The following NR4A3 variants were observed in gnomAD, a reference collection of about 807,000 sequenced individuals.
NR4A3 encodes nuclear receptor subfamily 4 group A member 3.
NR4A3 carries 13 observed loss-of-function variants against 55.6 expected under a neutral mutation model. The ratio of observed to expected loss-of-function variants is 0.23; its 90% CI spans 0.15 to 0.37. NR4A3 has a LOEUF of 0.37. Among genes scored for constraint, NR4A3 ranks in the 10% least tolerant of loss-of-function variants. NR4A3 has a pLI of 1.00. For synonymous variants in NR4A3, 342 were observed against 357.9 expected, an observed-to-expected ratio of 0.96 and a Z score of 0.50; for missense variants, 646 against 822.8, an observed-to-expected ratio of 0.79 and a Z score of 2.63.
At position 99,828,013 on chromosome 9, in the gene NR4A3, TGA is replaced by T. The variant is rs1827339233; in HGVS notation, c.-2-23_-2-22del. 6.3e-7 allele frequency: 1 copy of T among 1,589,238 alleles called. No homozygotes were observed. The highest frequency in any genetic ancestry group is 8.6e-7 in the Non-Finnish European group (1 of 1,166,300). ...TAGAAAACAAGTGTTAACTTGCTTC[TGA>T]GAGACCCTTTTCTCTGTCCCTGCAG... On this transcript the variant is annotated intron_variant, in intron 2 of 7. Transcript: ENST00000395097. This position sits in a 1 kb window ranked among gnomAD's most constrained non-coding sequence, Gnocchi z 7.7.
In NR4A3 at chr9:99,843,087, G is replaced by C. The variant is rs757628681; in HGVS notation, c.1255-1562G>C. Among the ~76,000 whole-genome samples, 135 of 152,270 alleles carry C rather than the reference G, an allele frequency of 8.9e-4. 1 individual carries two copies. The highest frequency in any genetic ancestry group is 2.1e-4 in the South Asian group (1 of 4,830). On this transcript the variant is annotated intron_variant, in intron 5 of 7. Coordinates refer to ENST00000395097, the MANE Select transcript of NR4A3 (RefSeq NM_006981.4). Reference sequence around the variant, plus strand: ...CAGTCTTCCTGCTTGCAGCAGAAAAGTCTTTACTCCGGTGATTCAAGAAAA... The same window carrying C: ...CAGTCTTCCTGCTTGCAGCAGAAAACTCTTTACTCCGGTGATTCAAGAAAA...
chr9:99,843,682 T>A (rs78708922), intron 5 of NR4A3, among the ~76,000 whole-genome samples: 864 of 52,340 alleles, frequency 0.017, 7 homozygotes, highest in Non-Finnish European at 0.032. Flanking sequence ...ACAAAAAAAA[T>A]TTTTTTTTGA....
At position 99,828,291 on chromosome 9, in the gene NR4A3, G is replaced by T. The variant is rs137876606; in HGVS notation, c.249G>T (p.Leu83Phe). The change falls in exon 3 of 8, where the codon TTG (leucine) becomes TTT (phenylalanine). Residue 83 changes from leucine to phenylalanine, a missense_variant. Around this residue, in one of 5 missense-constraint regions of NR4A3, gnomAD observed 426 missense variants for 429.4 expected, o/e 0.99. Transcript: ENST00000395097. This position sits in a 1 kb window ranked among gnomAD's most constrained non-coding sequence, Gnocchi z 7.7. ...PSCVYQMQRPLIKVEEGRAPS... is the reference protein window; with the variant it reads ...PSCVYQMQRPFIKVEEGRAPS... ...GCGTGTACCAAATGCAGCGGCCCTT[G>T]ATCAAAGTGGAGGAGGGGCGGGCGC... 2,001 of 1,613,638 alleles carry T rather than the reference G, an allele frequency of 1.2e-3. 3 individuals carry two copies. Among genetic ancestry groups the T allele is most frequent in the Non-Finnish European group, 1.6e-3 (1,930 of 1,179,962 alleles).
At chr9:99,831,725 G>A (rs900270248) in intron 3 of NR4A3, among the ~76,000 whole-genome samples, 17 of 152,168 alleles carry the variant, frequency 1.1e-4, no homozygotes, top group Admixed American at 1.0e-3. Flanking sequence ...ACCCTAAGTG[G>A]TAAAAATACG....
At position 99,863,702 on chromosome 9, in the gene NR4A3, G is replaced by A. The variant is rs766231089; in HGVS notation, c.1716G>A (p.Lys572=). 77 of 1,613,864 alleles carry A rather than the reference G, an allele frequency of 4.8e-5. No individual in the cohort carries two copies. Among genetic ancestry groups the A allele is most frequent in the Non-Finnish European group, 6.2e-5 (73 of 1,179,974 alleles). The change falls in exon 8 of 8, where the codon AAG becomes AAA. Residue 572 remains lysine (K), a synonymous_variant. Transcript: ENST00000395097. ...ITSSLKDHQS[K]GQALEPTESK... Reference sequence around the variant, plus strand: ...GCAGTTTAAAAGACCACCAGAGTAAGGGACAGGCTCTGGAGCCCACCGAGT... The same window carrying A: ...GCAGTTTAAAAGACCACCAGAGTAAAGGACAGGCTCTGGAGCCCACCGAGT...
intron 3 of NR4A3, among the ~76,000 whole-genome samples, chr9:99,830,813 G>T (rs542722716): frequency 6.6e-6 from 1 of 152,316 alleles, no homozygotes; most frequent in African/African-American, 2.4e-5. Context: ...CAAGAATTAT[G>T]AATAATCTAC....
At chr9:99,832,375 A>G (rs1827461318) in intron 3 of NR4A3, among the ~76,000 whole-genome samples, 1 of 152,160 alleles carries the variant, frequency 6.6e-6, no homozygotes, top group Admixed American at 6.5e-5. Flanking sequence ...TTGTTCCCAA[A>G]GGGATATTAA....
At chr9:99,845,113 C>T (rs544287798) in intron 6 of NR4A3, among the ~76,000 whole-genome samples, 2 of 152,272 alleles carry the variant, frequency 1.3e-5, no homozygotes, top group African/African-American at 2.4e-5. Flanking sequence ...TTCCATCCTC[C>T]TTAAAAGGAA....
intron 7 of NR4A3, among the ~76,000 whole-genome samples, chr9:99,855,186 C>T (rs1477978436): frequency 1.3e-5 from 2 of 152,064 alleles, no homozygotes; most frequent in African/African-American, 2.4e-5. Flanking sequence ...ATTTTGTATC[C>T]TGAGACTTTG....
At chr9:99,861,819 G>A (rs1013807352) in intron 7 of NR4A3, among the ~76,000 whole-genome samples, 4 of 151,962 alleles carry the variant, frequency 2.6e-5, no homozygotes, top group African/African-American at 4.8e-5. Flanking sequence ...AGCCAGGCAC[G>A]GTAGCTCATG....
chr9:99,846,447 A>T (rs1352738583), intron 6 of NR4A3, among the ~76,000 whole-genome samples: 1 of 152,230 alleles, frequency 6.6e-6, no homozygotes, highest in Admixed American at 6.5e-5. Context: ...CATCATGTCC[A>T]CCTGGAAGTT....
intron 5 of NR4A3, among the ~76,000 whole-genome samples, chr9:99,834,376 A>AT (rs373858910): frequency 1.5e-3 from 221 of 152,342 alleles, no homozygotes; most frequent in African/African-American, 4.6e-3. Flanking sequence ...AAGGAAAAAA[A>AT]ATCACAATTA....
intron 5 of NR4A3, among the ~76,000 whole-genome samples, chr9:99,840,821 G>T (rs1175261259): frequency 6.6e-6 from 1 of 152,176 alleles, no homozygotes; most frequent in Non-Finnish European, 1.5e-5. Flanking sequence ...GGGAGGATCT[G>T]CCCTGAATTT....
At position 99,828,434 on chromosome 9, in the gene NR4A3, C is replaced by T; in HGVS notation, c.392C>T (p.Thr131Ile). The T allele has an allele frequency of 6.3e-7, 1 of 1,582,494 alleles. No individual in the cohort carries two copies. Among genetic ancestry groups the T allele is most frequent in the Non-Finnish European group, 8.6e-7 (1 of 1,164,220 alleles). ...SSPEDEVLPS[T>I]SMYFKQSPPS... ...CCGGAGGACGAGGTGCTGCCCAGCA[C>T]CTCCATGTACTTCAAGCAGTCCCCA... Residue 131 changes from threonine (T) to isoleucine (I), a missense_variant, in exon 3 of 8, where the codon ACC becomes ATC. This residue lies in a region of NR4A3 where 426 missense variants were observed against 429.4 expected (regional missense o/e 0.99). Transcript: ENST00000395097. The surrounding 1 kb of genome is among the most constrained non-coding windows in gnomAD (Gnocchi z 7.7).
chr9:99,856,252 T>A (rs1827925537), intron 7 of NR4A3, among the ~76,000 whole-genome samples: 1 of 151,726 alleles, frequency 6.6e-6, no homozygotes, highest in African/African-American at 2.4e-5. Context: ...GATAGTCCCA[T>A]CTGGGGGTGA....
At chr9:99,835,276 G>A (rs1219893033) in intron 5 of NR4A3, among the ~76,000 whole-genome samples, 1 of 152,186 alleles carries the variant, frequency 6.6e-6, no homozygotes, top group Non-Finnish European at 1.5e-5. Flanking sequence ...CTATTTCACA[G>A]ATAAGGAAAT....
rs759762794 is a variant in NR4A3, at chr9:99,822,083, T to G, written c.-501T>G. 1.0e-3 allele frequency: 159 copies of G among 152,850 alleles called. No homozygotes were observed. Among genetic ancestry groups the G allele is most frequent in the Non-Finnish European group, 2.1e-3 (144 of 68,144 alleles). 9.5% of individuals were successfully genotyped at this position (152,850 alleles called of 1,614,324 possible). ...CCCTCTTGCCCTGAGCCCTTGCCGG[T>G]GCAGCGCGGCGCCGCAGCTGGACGC... On this transcript the variant is annotated 5_prime_UTR_variant, in exon 1 of 8. Transcript: ENST00000395097. The surrounding 1 kb of genome is among the most constrained non-coding windows in gnomAD (Gnocchi z 4.9).
At chr9:99,856,926 C>T (rs1298907029) in intron 7 of NR4A3, among the ~76,000 whole-genome samples, 2 of 152,222 alleles carry the variant, frequency 1.3e-5, no homozygotes, top group Admixed American at 6.5e-5. Flanking sequence ...AAATTAATAG[C>T]TACCATTTAA....
In NR4A3 at chr9:99,828,799, C is replaced by A; in HGVS notation, c.757C>A (p.Pro253Thr). ...YGLPLAKRAA[P>T]LAFPPLGLTP... is the part of the protein sequence containing the mutation. ...GCTGCCGCTGGCCAAGAGGGCGGCC[C>A]CGCTGGCCTTCCCGCCTCTCGGCCT... Residue 253 changes from proline (P) to threonine (T), a missense_variant, in exon 3 of 8, where the codon CCG becomes ACG. Pro to Thr is a conservative substitution (Grantham distance 38, BLOSUM62 -1). Coordinates refer to ENST00000395097, the MANE Select transcript of NR4A3 (RefSeq NM_006981.4). This position sits in a 1 kb window ranked among gnomAD's most constrained non-coding sequence, Gnocchi z 7.7. 1 of 1,470,556 alleles carries A rather than the reference C, an allele frequency of 6.8e-7. No individual in the cohort carries two copies. Among genetic ancestry groups the A allele is most frequent in the Non-Finnish European group, 9.0e-7 (1 of 1,115,266 alleles). 91.1% of individuals were successfully genotyped at this position (1,470,556 alleles called of 1,614,324 possible).
Sources: gnomAD v4.1 joint callset for allele counts (sites outside exome capture counted in the v4.1 genomes callset) on GRCh38, gnomAD v4.1.1 for gene constraint, gnomAD v4.1.1 regional missense constraint, Gnocchi (gnomAD v3.1) non-coding constraint, MANE v1.5 for transcripts, NCBI Gene and HGNC (gene_info 2026-07-23, HGNC 2026-07-21) for gene names.